NRG3: variants seen among roughly 807,000 people sequenced by gnomAD.
NRG3 encodes the protein pro-neuregulin-3, membrane-bound isoform.
In NRG3, 31 loss-of-function variants were observed where a neutral mutation model predicts 66.9. The observed-to-expected ratio is 0.46, with a 90% CI of 0.35 to 0.63. NRG3 has a LOEUF of 0.63. NRG3 is among the 20% of genes least tolerant of loss of function. The probability of loss-of-function intolerance (pLI) is 0.00; values close to 1 mark genes in which losing one functional copy is unlikely to be tolerated. For missense variants in NRG3, 910 were observed against 878.9 expected, an observed-to-expected ratio of 1.04 and a Z score of -0.45; for synonymous variants, 393 against 359.4, an observed-to-expected ratio of 1.09 and a Z score of -1.06.
rs188303385 is a variant in NRG3 at position 82,192,208 on chromosome 10, C to T, written c.824-166531C>T. Among the ~76,000 whole-genome samples, 16 of 152,198 alleles carry T rather than the reference C, an allele frequency of 1.1e-4. No individual in the cohort carries two copies. The East Asian group carries it at 2.3e-3, about 22-fold the overall frequency. Reference sequence around the variant, plus strand: ...TCTTAGGATTCTTCCCAGCAGAAAACGCTAACAATTGCAATTATCACCATT... The same window carrying T: ...TCTTAGGATTCTTCCCAGCAGAAAATGCTAACAATTGCAATTATCACCATT... On this transcript the variant is annotated intron_variant, in intron 1 of 8. Coordinates refer to ENST00000372141, the MANE Select transcript of NRG3 (RefSeq NM_001010848.4).
intron 2 of NRG3, among the ~76,000 whole-genome samples, chr10:82,666,368 T>A (rs968971429): frequency 6.6e-6 from 1 of 152,196 alleles, no homozygotes; most frequent in African/African-American, 2.4e-5. Context: ...GAAAATTAAA[T>A]TCAACTTGTC....
intron 1 of NRG3, among the ~76,000 whole-genome samples, chr10:82,218,523 C>T (rs1007856238): frequency 5.3e-5 from 8 of 152,158 alleles, no homozygotes; most frequent in African/African-American, 1.7e-4. Flanking sequence ...ATATCCCCTT[C>T]TTACAGAGGT....
At chr10:82,948,575 T>G (rs878948594) in intron 4 of NRG3, among the ~76,000 whole-genome samples, 3 of 152,164 alleles carry the variant, frequency 2.0e-5, no homozygotes, top group Admixed American at 2.0e-4. Flanking sequence ...ATAAACATGT[T>G]ATATCTATTT....
chr10:82,167,767 ATTGT>A (rs2072208644), intron 1 of NRG3, among the ~76,000 whole-genome samples: 1 of 151,936 alleles, frequency 6.6e-6, no homozygotes, highest in Non-Finnish European at 1.5e-5. Flanking sequence ...TTAATACGTG[ATTGT>A]TTTTGTTTTT....
chr10:81,908,994 T>C (rs1304008057), intron 1 of NRG3, among the ~76,000 whole-genome samples: 4 of 152,182 alleles, frequency 2.6e-5, no homozygotes, highest in Admixed American at 2.6e-4. Flanking sequence ...ACCAGGTGGC[T>C]TAAAACAATA....
chr10:82,365,959 T>C (rs551538680), intron 2 of NRG3, among the ~76,000 whole-genome samples: 1 of 152,260 alleles, frequency 6.6e-6, no homozygotes, highest in Admixed American at 6.5e-5. Context: ...ATGACTTGGG[T>C]TTGCTTTTGT....
intron 2 of NRG3, among the ~76,000 whole-genome samples, chr10:82,621,993 G>T (rs2049070838): frequency 1.3e-5 from 2 of 152,130 alleles, no homozygotes; most frequent in Admixed American, 1.3e-4. Flanking sequence ...AGGAAAAAGA[G>T]AATTTTCCAG....
intron 2 of NRG3, among the ~76,000 whole-genome samples, chr10:82,477,287 C>G (rs930739358): frequency 6.6e-6 from 1 of 152,110 alleles, no homozygotes; most frequent in African/African-American, 2.4e-5. Context: ...TAGGGTCTCA[C>G]GAGCAGAGTT....
intron 1 of NRG3, among the ~76,000 whole-genome samples, chr10:82,025,749 T>C (rs1450665704): frequency 1.3e-5 from 2 of 152,272 alleles, no homozygotes; most frequent in African/African-American, 4.8e-5. Flanking sequence ...AATTATTTAA[T>C]GAGCATATTG....
At chr10:82,274,740 C>G (rs1285487653) in intron 1 of NRG3, among the ~76,000 whole-genome samples, 3 of 151,956 alleles carry the variant, frequency 2.0e-5, no homozygotes, top group South Asian at 2.1e-4. Flanking sequence ...AATTATTTCT[C>G]AAGTGGATTC....
intron 3 of NRG3, among the ~76,000 whole-genome samples, chr10:82,810,105 C>T (rs1306143889): frequency 1.3e-5 from 2 of 152,094 alleles, no homozygotes; most frequent in East Asian, 3.9e-4. Context: ...TAAATTACCT[C>T]CCAGTTTATG....
At chr10:82,139,921 C>T (rs377071331) in intron 1 of NRG3, among the ~76,000 whole-genome samples, 1 of 133,940 alleles carries the variant, frequency 7.5e-6, no homozygotes, top group Admixed American at 7.4e-5. Flanking sequence ...ATTTGTTAGT[C>T]TCTGAATATT....
chr10:82,032,536 A>G (rs1471036188), intron 1 of NRG3, among the ~76,000 whole-genome samples: 3 of 152,076 alleles, frequency 2.0e-5, no homozygotes, highest in Admixed American at 6.6e-5. Flanking sequence ...GAGACTCATA[A>G]TCTTCAATAT....
intron 2 of NRG3, among the ~76,000 whole-genome samples, chr10:82,636,194 T>A (rs550272160): frequency 1.3e-5 from 2 of 151,220 alleles, no homozygotes; most frequent in South Asian, 4.2e-4. Flanking sequence ...TCTGAACTCA[T>A]GGTTTTCAAT....
intron 3 of NRG3, among the ~76,000 whole-genome samples, chr10:82,740,766 G>T (rs2058382940): frequency 6.9e-6 from 1 of 144,138 alleles, no homozygotes; most frequent in Non-Finnish European, 1.5e-5. Context: ...CAAAGTTGAA[G>T]TGAGCCAAGA....
chr10:82,310,390 T>C (rs757654529), intron 1 of NRG3, among the ~76,000 whole-genome samples: 1 of 152,176 alleles, frequency 6.6e-6, no homozygotes, highest in Non-Finnish European at 1.5e-5. Context: ...CGAATACCCC[T>C]AAAATGTTAG....
At chr10:82,710,357 A>G (rs150682671) in intron 2 of NRG3, among the ~76,000 whole-genome samples, 1,643 of 152,298 alleles carry the variant, frequency 0.011, 30 homozygotes, top group African/African-American at 0.038. Context: ...AGGCCAAGGC[A>G]GGTGAATCCT....
At chr10:82,293,279 C>T (rs1294347900) in intron 1 of NRG3, among the ~76,000 whole-genome samples, 1 of 152,082 alleles carries the variant, frequency 6.6e-6, no homozygotes, top group Admixed American at 6.6e-5. Flanking sequence ...GCAAAAATGA[C>T]CTCAGTACAT....
chr10:82,911,868 T>C (rs1438467355), intron 4 of NRG3, among the ~76,000 whole-genome samples: 2 of 151,914 alleles, frequency 1.3e-5, no homozygotes, highest in Admixed American at 1.3e-4. Flanking sequence ...AATATATTCA[T>C]TAAATATTAT....
Sources: gnomAD v4.1 joint callset for allele counts (sites outside exome capture counted in the v4.1 genomes callset) on GRCh38, gnomAD v4.1.1 for gene constraint, MANE v1.5 for transcripts, NCBI Gene and HGNC (gene_info 2026-07-23, HGNC 2026-07-21) for gene names.